LIPA: variants seen among roughly 807,000 people sequenced by gnomAD.
LIPA encodes the protein lysosomal acid lipase/cholesteryl ester hydrolase.
In LIPA, 26 loss-of-function variants were observed where a neutral mutation model predicts 40.6. The ratio of observed to expected loss-of-function variants is 0.64; its 90% CI spans 0.47 to 0.89. The LOEUF (loss-of-function observed/expected upper bound fraction) is 0.89. Among genes scored for constraint, LIPA ranks in the 40% least tolerant of loss-of-function variants. The pLI, the probability that LIPA is intolerant of heterozygous loss-of-function variation, is 0.00. For missense variants in LIPA, 455 were observed against 479.6 expected, an observed-to-expected ratio of 0.95 and a Z score of 0.48; for synonymous variants, 188 against 168.4, an observed-to-expected ratio of 1.12 and a Z score of -0.90.
chr10:89,238,226 C>A (rs962574073), intron 3 of LIPA, among the ~76,000 whole-genome samples: 1 of 152,160 alleles, frequency 6.6e-6, no homozygotes, highest in African/African-American at 2.4e-5. Flanking sequence ...TAAATAAAGT[C>A]AAGAGCTAAT....
At chr10:89,298,036 T>A (rs1281579677) in intron 1 of LIPA, among the ~76,000 whole-genome samples, 1 of 152,228 alleles carries the variant, frequency 6.6e-6, no homozygotes, top group East Asian at 1.9e-4. Context: ...GTGGCAACCC[T>A]GCACCACAGC....
chr10:89,306,621 T>G lies in LIPA; in HGVS notation c.-2+35990A>C, dbSNP rs778078515. On this transcript the variant is annotated intron_variant, in intron 1 of 5. Transcript: ENST00000282673. The stretch of plus-strand genomic sequence containing the variant: ...CTCCTGGCTCTGAAGCTTCATAAGA[T>G]GCGTGAAGAAGGTGAAGAGGAAGGT... The G allele has an allele frequency of 1.9e-6, 3 of 1,614,024 alleles. No individual in the cohort carries two copies. The East Asian group carries it at 6.7e-5, about 36-fold the overall frequency.
intron 3 of LIPA, among the ~76,000 whole-genome samples, chr10:89,244,543 T>C (rs1589570635): frequency 6.6e-6 from 1 of 152,064 alleles, no homozygotes; most frequent in African/African-American, 2.4e-5. Context: ...GATTGCACCA[T>C]TGCATTCCAG....
At chr10:89,370,224 G>C (rs1370205782) in intron 2 of LIPA, among the ~76,000 whole-genome samples, 1 of 151,132 alleles carries the variant, frequency 6.6e-6, no homozygotes, top group Non-Finnish European at 1.5e-5. Flanking sequence ...TTTTTTGTTT[G>C]TTTTGTTTTT....
intron 2 of LIPA, among the ~76,000 whole-genome samples, chr10:89,389,975 C>CTTTTTTTTTTTTTTTTTTTTTTTT: frequency 1.2e-5 from 1 of 80,342 alleles, no homozygotes; most frequent in Non-Finnish European, 2.2e-5. Flanking sequence ...AGATTTCTTT[C>CTTTTTTTTTTTTTTTTTTTTTTTT]TTTTTTTTTT....
At chr10:89,363,938 C>CA (rs1476351414) in intron 2 of LIPA, among the ~76,000 whole-genome samples, 1 of 152,148 alleles carries the variant, frequency 6.6e-6, no homozygotes, top group Non-Finnish European at 1.5e-5. Flanking sequence ...TGCTCCTTCA[C>CA]ACATTGAAAG....
intron 2 of LIPA, among the ~76,000 whole-genome samples, chr10:89,394,269 T>G (rs977440541): frequency 1.2e-4 from 18 of 152,140 alleles, no homozygotes; most frequent in African/African-American, 4.3e-4. Flanking sequence ...GGCATTAAAA[T>G]CTTATAGGAC....
chr10:89,333,145 C>G (rs939456383), intron 1 of LIPA, among the ~76,000 whole-genome samples: 29 of 152,292 alleles, frequency 1.9e-4, no homozygotes, highest in African/African-American at 6.5e-4. Context: ...GGGGATATGT[C>G]TACTTGAGTT....
intron 3 of LIPA, among the ~76,000 whole-genome samples, chr10:89,236,384 C>T (rs1298744951): frequency 7.2e-5 from 11 of 152,158 alleles, no homozygotes; most frequent in Non-Finnish European, 1.3e-4. Context: ...ATCATCTCCA[C>T]GTAAGCAGTT....
intron 2 of LIPA, among the ~76,000 whole-genome samples, chr10:89,379,531 G>T (rs1844145634): frequency 6.6e-6 from 1 of 152,262 alleles, no homozygotes; most frequent in South Asian, 2.1e-4. Context: ...TCACTCAAAA[G>T]TATTCTGACC....
At chr10:89,298,663 T>A (rs1843428888) in intron 1 of LIPA, among the ~76,000 whole-genome samples, 1 of 151,888 alleles carries the variant, frequency 6.6e-6, no homozygotes, top group South Asian at 2.1e-4. Flanking sequence ...CAGCAACAGA[T>A]CCCAATCAAA....
intron 1 of LIPA, chr10:89,307,288 A>G (rs1033584249): frequency 1.5e-5 from 24 of 1,613,896 alleles, no homozygotes; most frequent in Non-Finnish European, 2.0e-5. Flanking sequence ...AGCTGAATGA[A>G]AAAATGCAAC....
At chr10:89,234,459 C>T (rs1436435156) in intron 3 of LIPA, among the ~76,000 whole-genome samples, 2 of 152,216 alleles carry the variant, frequency 1.3e-5, no homozygotes, top group African/African-American at 2.4e-5. Flanking sequence ...TTAGGCATGA[C>T]GGATCCTCAG....
At chr10:89,389,571 G>A (rs1378946409) in intron 2 of LIPA, among the ~76,000 whole-genome samples, 2 of 152,176 alleles carry the variant, frequency 1.3e-5, no homozygotes, top group East Asian at 3.8e-4. Context: ...TAGACTACAA[G>A]AGATGACCCT....
At chr10:89,261,393 T>C (rs1184676983) in intron 1 of LIPA, among the ~76,000 whole-genome samples, 1 of 152,146 alleles carries the variant, frequency 6.6e-6, no homozygotes. Context: ...TAATCCCAGC[T>C]ACTTGGGAGG....
At chr10:89,262,958 T>C (rs1843218641) in intron 1 of LIPA, among the ~76,000 whole-genome samples, 1 of 152,228 alleles carries the variant, frequency 6.6e-6, no homozygotes, top group Admixed American at 6.5e-5. Context: ...TTGGAGTTAC[T>C]TTAAAACATA....
exon 1 of LIPA, chr10:89,414,520 A>G (rs887926314): frequency 4.7e-6 from 2 of 422,784 alleles, no homozygotes; most frequent in Non-Finnish European, 8.3e-6. Context: ...CTCTTCTATT[A>G]AGTTTCGGTT....
At chr10:89,341,188 C>G (rs1162690587) in intron 1 of LIPA, among the ~76,000 whole-genome samples, 1 of 152,218 alleles carries the variant, frequency 6.6e-6, no homozygotes, top group Non-Finnish European at 1.5e-5. Context: ...GGAGCCCCAA[C>G]TAAGCCCCAT....
In LIPA at chr10:89,247,639, G is replaced by A. The variant is rs1449945329; in HGVS notation, c.10C>T (p.Arg4Trp). ...AAACAGACCACCAACCCCAAGAACC[G>A]CATTTTCATTCTGTATAATAAAACA... MKM[R>W]FLGLVVCLVL... is the part of the protein sequence containing the mutation. The change falls in exon 2 of 10, where the codon CGG (arginine) becomes TGG (tryptophan). Residue 4 changes from arginine to tryptophan, a missense_variant. By Grantham distance (101) the Arg-to-Trp change is moderately radical (BLOSUM62 -3). Coordinates refer to ENST00000336233, the MANE Select transcript of LIPA (RefSeq NM_000235.4). The A allele has an allele frequency of 6.2e-6, 10 of 1,604,410 alleles. No homozygotes were observed. The highest frequency in any genetic ancestry group is 2.7e-5 in the African/African-American group (2 of 74,768).
Sources: gnomAD v4.1 joint callset for allele counts (sites outside exome capture counted in the v4.1 genomes callset) on GRCh38, gnomAD v4.1.1 for gene constraint, MANE v1.5 for transcripts, NCBI Gene and HGNC (gene_info 2026-07-23, HGNC 2026-07-21) for gene names.